Variants in WIPI2 observed in about 807,000 individuals in gnomAD.
WIPI2 encodes the protein WD repeat domain phosphoinositide-interacting protein 2.
WIPI2 carries 28 observed loss-of-function variants against 52.3 expected under a neutral mutation model. That is an observed-to-expected ratio of 0.54 (90% confidence interval 0.40 to 0.73). The LOEUF is 0.73. Among genes scored for constraint, WIPI2 ranks in the 30% least tolerant of loss-of-function variants. The pLI, the probability that WIPI2 is intolerant of heterozygous loss-of-function variation, is 0.00. For synonymous variants in WIPI2, 268 were observed against 245.0 expected (o/e 1.09, Z -0.88); for missense variants, 506 against 602.9 (o/e 0.84, Z 1.68).
chr7:5,207,194 A>G (rs1318534547), intron 3 of WIPI2, among the ~76,000 whole-genome samples: 1 of 152,202 alleles, frequency 6.6e-6, no homozygotes, highest in Admixed American at 6.5e-5. Context: ...TTACAGTGGA[A>G]TGCATCTATC....
intron 1 of WIPI2, chr7:5,190,706 G>A: frequency 2.4e-6 from 1 of 408,952 alleles, no homozygotes. Flanking sequence ...TGCGGTCCCG[G>A]AGCGGGAGAG....
chr7:5,225,602 C>G (rs1176206047), intron 8 of WIPI2, among the ~76,000 whole-genome samples: 2 of 152,208 alleles, frequency 1.3e-5, no homozygotes, highest in African/African-American at 4.8e-5. Context: ...CTCCTTTTGT[C>G]ATGTGGAAGC....
At chr7:5,199,771 C>T in intron 3 of WIPI2, 113 bp downstream of exon 3, 2 of 1,038,418 alleles carry the variant, frequency 1.9e-6, no homozygotes, top group Non-Finnish European at 2.8e-6. Flanking sequence ...CACCCTCTTA[C>T]CAGTCCTCTG....
rs376522595 is a variant in WIPI2, at chr7:5,213,888, T to C, written c.212-647T>C. On this transcript the variant is annotated intron_variant, in intron 3 of 12. Transcript: ENST00000288828. Reference sequence around the variant, plus strand: ...TTTTAGTAGAGATGGGGTTTCACCATGTTAGCCAGGATGGTCTTAATCTCC... The same window carrying C: ...TTTTAGTAGAGATGGGGTTTCACCACGTTAGCCAGGATGGTCTTAATCTCC... 4.2e-3 allele frequency among the ~76,000 whole-genome samples: 642 copies of C among 152,286 alleles called. 13 individuals carry two copies. The highest frequency in any genetic ancestry group is 2.7e-3 in the East Asian group (14 of 5,172).
chr7:5,227,412 C>T lies in WIPI2; in HGVS notation c.1013+68C>T. The T allele has an allele frequency of 6.4e-7, 1 of 1,566,236 alleles. No homozygotes were observed. The highest frequency in any genetic ancestry group is 8.6e-7 in the Non-Finnish European group (1 of 1,159,980). On this transcript the variant is annotated intron_variant, in intron 10 of 12. Coordinates refer to ENST00000288828, the MANE Select transcript of WIPI2 (RefSeq NM_015610.4). This position sits in a 1 kb window ranked among gnomAD's most constrained non-coding sequence, Gnocchi z 8.1. ...AGGCCGAGGGGCCCAGTCCTGGCGGCTTGTGGCCCCTTCCGTGCTTCTGAA... is the reference window on the plus strand; with the variant it reads ...AGGCCGAGGGGCCCAGTCCTGGCGGTTTGTGGCCCCTTCCGTGCTTCTGAA...
chr7:5,220,486 G>A (rs190438799), intron 7 of WIPI2, among the ~76,000 whole-genome samples: 49 of 150,870 alleles, frequency 3.2e-4, no homozygotes, highest in Non-Finnish European at 4.6e-4. Flanking sequence ...TGATCCACCC[G>A]CCTTGGCCTC....
intron 11 of WIPI2, chr7:5,229,406 C>G (rs1406228422): frequency 9.3e-6 from 5 of 539,134 alleles, no homozygotes; most frequent in African/African-American, 1.9e-5. Flanking sequence ...GTATAACTCC[C>G]TCTTTAGACT....
rs1255397404 is a variant in WIPI2, at chr7:5,214,606, G to A, written c.283G>A (p.Ala95Thr). 6.2e-6 allele frequency: 10 copies of A among 1,614,138 alleles called. No individual in the cohort carries two copies. Among genetic ancestry groups the A allele is most frequent in the African/African-American group, 1.3e-5 (1 of 74,950 alleles). Reference protein sequence around the residue: ...SSLVAIVSLKAPRKLKVCHFK... With the variant: ...SSLVAIVSLKTPRKLKVCHFK... ...CCTAGTGGCCATCGTCAGCCTTAAA[G>A]CACCAAGGAAGCTAAAGGTTTGCCA... The change falls in exon 4 of 13, where the codon GCA (alanine) becomes ACA (threonine). Residue 95 changes from alanine to threonine, a missense_variant. Coordinates refer to ENST00000288828, the MANE Select transcript of WIPI2 (RefSeq NM_015610.4).
At chr7:5,197,137 A>AAC (rs1781792515) in intron 2 of WIPI2, among the ~76,000 whole-genome samples, 1 of 150,560 alleles carries the variant, frequency 6.6e-6, no homozygotes, top group Non-Finnish European at 1.5e-5. Context: ...AAAAAAAAAA[A>AAC]AAAAAAAAAC....
chr7:5,204,315 A>T (rs1782188038), intron 3 of WIPI2, among the ~76,000 whole-genome samples: 1 of 152,148 alleles, frequency 6.6e-6, no homozygotes, highest in Non-Finnish European at 1.5e-5. Context: ...AAAAATATAA[A>T]AATTAGCCGG....
chr7:5,193,393 T>C lies in WIPI2; in HGVS notation c.128+222T>C, dbSNP rs143538503. On this transcript the variant is annotated intron_variant, in intron 2 of 12. Coordinates refer to ENST00000288828, the MANE Select transcript of WIPI2 (RefSeq NM_015610.4). ...TTTTAAATGCCATGTCTAAAAGGGA[T>C]GGAATGAAGAAAGGGACTTGACTTT... 1.2e-4 allele frequency: 154 copies of C among 1,285,304 alleles called. 4 individuals carry two copies. The Middle Eastern group carries it at 2.3e-3, about 19-fold the overall frequency. The allele number at this position is 1,285,304 out of a possible 1,614,324, so 79.6% of individuals were successfully genotyped here. A position where few individuals can be genotyped will look rare whatever the true frequency, so the allele number is the denominator to read the frequency against.
chr7:5,201,343 C>T (rs1782016979), intron 3 of WIPI2, among the ~76,000 whole-genome samples: 1 of 152,232 alleles, frequency 6.6e-6, no homozygotes. Flanking sequence ...AATGCCAAAA[C>T]CTGGTCTTTC....
At chr7:5,211,429 G>A (rs545402926) in intron 3 of WIPI2, among the ~76,000 whole-genome samples, 17 of 152,276 alleles carry the variant, frequency 1.1e-4, no homozygotes, top group South Asian at 4.1e-4. Context: ...TCGAGATCAC[G>A]CCATTGCACT....
intron 1 of WIPI2, among the ~76,000 whole-genome samples, chr7:5,191,914 A>T (rs1781501934): frequency 6.6e-6 from 1 of 152,212 alleles, no homozygotes; most frequent in African/African-American, 2.4e-5. Flanking sequence ...AAATCACCTC[A>T]TCCAACTACA....
rs548852201 is a variant in WIPI2 at position 5,233,693 on chromosome 7, T to A, written c.*2746T>A. The A allele has an allele frequency of 5.0e-4, 76 of 152,474 alleles. No individual in the cohort carries two copies. The highest frequency in any genetic ancestry group is 1.8e-3 in the African/African-American group (75 of 41,578). The allele number at this position is 152,474 out of a possible 1,614,324, so 9.4% of individuals were successfully genotyped here. ...AGGGCGCCTGGGAGCCTGCGTTTTC[T>A]GGACCGTTCCATGGGACTCATCCCT... On this transcript the variant is annotated 3_prime_UTR_variant, in exon 13 of 13. Coordinates refer to ENST00000288828, the MANE Select transcript of WIPI2 (RefSeq NM_015610.4).
chr7:5,229,929 CT>C (rs548650698), intron 12 of WIPI2, among the ~76,000 whole-genome samples, 191 bp downstream of exon 12: 34,363 of 137,810 alleles, frequency 0.25, 4,337 homozygotes, highest in Admixed American at 0.38. Context: ...GTTTCGTTTC[CT>C]TTTTTTTTTT....
In WIPI2 at chr7:5,228,199, T is replaced by G. The variant is rs1583595518; in HGVS notation, c.1109T>G (p.Met370Arg). 1 of 1,613,176 alleles carries G rather than the reference T, an allele frequency of 6.2e-7. No individual in the cohort carries two copies. The highest frequency in any genetic ancestry group is 1.3e-5 in the African/African-American group (1 of 75,044). ...DPQEGGECAL[M>R]KQHRLDGSLE... ...CAGGAGGGCGGCGAGTGTGCCCTGA[T>G]GAAGCAGCACCGGTGAGTCTGCTCC... Residue 370 changes from methionine (M) to arginine (R), a missense_variant, in exon 11 of 13, where the codon ATG (methionine) becomes AGG (arginine). Physicochemically the swap from Met to Arg is moderately conservative, Grantham distance 91 (BLOSUM62 -1). Around this residue, in one of 4 missense-constraint regions of WIPI2, gnomAD observed 194 missense variants for 175.1 expected, o/e 1.11. Transcript: ENST00000288828.
At chr7:5,205,865 A>T in intron 3 of WIPI2, among the ~76,000 whole-genome samples, 1 of 136,306 alleles carries the variant, frequency 7.3e-6, no homozygotes, top group East Asian at 2.2e-4. Flanking sequence ...TCCCCCATGC[A>T]GTCATGTGCT....
At chr7:5,209,821 T>C (rs1782464469) in intron 3 of WIPI2, among the ~76,000 whole-genome samples, 1 of 152,210 alleles carries the variant, frequency 6.6e-6, no homozygotes, top group Non-Finnish European at 1.5e-5. Context: ...AGCTCCTGTA[T>C]TTGAAGACAG....
Sources: allele counts gnomAD v4.1 joint callset (sites outside exome capture counted in the v4.1 genomes callset), GRCh38; gene constraint gnomAD v4.1.1; regional missense constraint gnomAD v4.1.1; non-coding constraint Gnocchi (gnomAD v3.1); transcripts MANE v1.5; gene names NCBI Gene and HGNC (gene_info 2026-07-23, HGNC 2026-07-21).